MRTFA: variants seen among roughly 807,000 people sequenced by gnomAD.
MRTFA encodes the protein myocardin related transcription factor A.
A neutral mutation model predicts 83.5 loss-of-function variants in MRTFA; 20 were observed. The ratio of observed to expected loss-of-function variants is 0.24; its 90% confidence interval spans 0.17 to 0.35. The LOEUF is 0.35. MRTFA is among the 10% of genes least tolerant of loss of function. MRTFA has a pLI of 1.00. For missense variants in MRTFA, 1,200 were observed against 1,224.7 expected, an observed-to-expected ratio of 0.98 and a Z score of 0.30; for synonymous variants, 659 against 541.2, an observed-to-expected ratio of 1.22 and a Z score of -3.02.
At position 40,636,486 on chromosome 22, in the gene MRTFA, G is replaced by A. The variant is rs1307109862; in HGVS notation, c.-92C>T. 6.6e-6 allele frequency: 1 copy of A among 152,366 alleles called. No individual in the cohort carries two copies. Among genetic ancestry groups the A allele is most frequent in the East Asian group, 1.9e-4 (1 of 5,178 alleles). 9.4% of individuals were successfully genotyped at this position (152,366 alleles called of 1,614,324 possible). A position where few individuals can be genotyped will look rare whatever the true frequency, so the allele number is the denominator to read the frequency against. ...CCCGGACTCTCACTCACCGCCTCGC[G>A]CGGCTCCCGGCCGGGTTCCGCGGCT... On this transcript the variant is annotated 5_prime_UTR_variant, in exon 1 of 15. Coordinates refer to ENST00000355630, the MANE Select transcript of MRTFA (RefSeq NM_020831.6).
chr22:40,508,427 G>T (rs1404023728), intron 3 of MRTFA, among the ~76,000 whole-genome samples: 2 of 135,344 alleles, frequency 1.5e-5, no homozygotes, highest in African/African-American at 5.4e-5. Flanking sequence ...CAGGAGAATT[G>T]TTTGAACTCG....
chr22:40,438,628 A>AGGCC (rs1337389915), intron 4 of MRTFA, among the ~76,000 whole-genome samples: 8 of 152,210 alleles, frequency 5.3e-5, no homozygotes, highest in Non-Finnish European at 1.2e-4. Flanking sequence ...CAGTTATTCT[A>AGGCC]GGCCAACCAA....
intron 3 of MRTFA, among the ~76,000 whole-genome samples, chr22:40,516,659 TAGA>T (rs2054765848): frequency 6.6e-6 from 1 of 152,072 alleles, no homozygotes; most frequent in Admixed American, 6.6e-5. Context: ...CAAGACACGC[TAGA>T]AGTTTTCCTT....
intron 3 of MRTFA, among the ~76,000 whole-genome samples, chr22:40,533,218 T>G (rs1569315571): frequency 6.6e-6 from 1 of 152,144 alleles, no homozygotes; most frequent in Non-Finnish European, 1.5e-5. Flanking sequence ...CATAAAAACA[T>G]AGAGTCTAGA....
At chr22:40,530,476 T>C (rs2055058570) in intron 3 of MRTFA, among the ~76,000 whole-genome samples, 1 of 152,190 alleles carries the variant, frequency 6.6e-6, no homozygotes, top group Admixed American at 6.5e-5. Context: ...TCTGTATTTT[T>C]AGTAGAGATG....
chr22:40,481,635 G>A (rs916836888), intron 3 of MRTFA, among the ~76,000 whole-genome samples: 1 of 152,132 alleles, frequency 6.6e-6, no homozygotes, highest in African/African-American at 2.4e-5. Flanking sequence ...AGAGACCGAT[G>A]ACTCTTGGAC....
At chr22:40,570,986 T>C (rs1403138243) in intron 2 of MRTFA, among the ~76,000 whole-genome samples, 2 of 132,198 alleles carry the variant, frequency 1.5e-5, no homozygotes, top group East Asian at 2.3e-4. Context: ...GCCCAGGAGT[T>C]TGAAACCAGC....
At chr22:40,433,348 T>C (rs1488525406) in intron 5 of MRTFA, 1 of 152,162 alleles carries the variant, frequency 6.6e-6, no homozygotes, top group African/African-American at 2.4e-5. Context: ...ACAAAATCAG[T>C]TTGACAAGGT....
intron 1 of MRTFA, among the ~76,000 whole-genome samples, chr22:40,609,329 C>A (rs1602491412): frequency 6.7e-6 from 1 of 149,574 alleles, no homozygotes; most frequent in African/African-American, 2.5e-5. Flanking sequence ...CCAGAAAGTA[C>A]ATTTAGTCAG....
At chr22:40,484,388 A>G (rs1170398948) in intron 3 of MRTFA, among the ~76,000 whole-genome samples, 1 of 152,206 alleles carries the variant, frequency 6.6e-6, no homozygotes, top group Non-Finnish European at 1.5e-5. Context: ...AAAATTCTCA[A>G]GATCAAACAC....
At chr22:40,519,326 C>T in intron 3 of MRTFA, 1 of 897,844 alleles carries the variant, frequency 1.1e-6, no homozygotes, top group Non-Finnish European at 1.6e-6. Flanking sequence ...AGAGATGGTC[C>T]TTCTCACTTA....
intron 2 of MRTFA, among the ~76,000 whole-genome samples, chr22:40,556,041 A>C (rs1009378849): frequency 9.9e-5 from 15 of 152,192 alleles, no homozygotes; most frequent in Non-Finnish European, 1.9e-4. Context: ...ATATATTAAA[A>C]TATTATACAA....
At chr22:40,489,328 T>A (rs776179556) in intron 3 of MRTFA, among the ~76,000 whole-genome samples, 1 of 152,034 alleles carries the variant, frequency 6.6e-6, no homozygotes, top group Non-Finnish European at 1.5e-5. Flanking sequence ...AATGTGTATC[T>A]GTAGAAGACA....
intron 3 of MRTFA, among the ~76,000 whole-genome samples, chr22:40,490,235 T>C (rs1200045925): frequency 1.3e-5 from 2 of 152,166 alleles, no homozygotes; most frequent in Non-Finnish European, 2.9e-5. Context: ...GTTGCCATGG[T>C]GTTTCTTTGA....
At chr22:40,590,022 G>GAAAAAAA (rs1189334273) in intron 2 of MRTFA, among the ~76,000 whole-genome samples, 1 of 94,234 alleles carries the variant, frequency 1.1e-5, no homozygotes, top group African/African-American at 3.8e-5. Context: ...ACTCCGTCTC[G>GAAAAAAA]AAAAAAAAAA....
intron 3 of MRTFA, among the ~76,000 whole-genome samples, chr22:40,509,313 A>AT (rs2054630230): frequency 6.6e-6 from 1 of 152,220 alleles, no homozygotes; most frequent in South Asian, 2.1e-4. Flanking sequence ...TACTGGGCAA[A>AT]TATCTTGTTT....
chr22:40,464,767 C>T (rs2053785272), intron 3 of MRTFA, among the ~76,000 whole-genome samples: 1 of 152,150 alleles, frequency 6.6e-6, no homozygotes, highest in African/African-American at 2.4e-5. Context: ...TCAGTAGATC[C>T]AAAGCCAAAC....
rs140343103 is a variant in MRTFA at position 40,486,573 on chromosome 22, T to C, written c.242-23287A>G. ...CAAATCTGGCAGGAAAATATGCTCA[T>C]GCATATTTCCATACTAAGACATTTT... On this transcript the variant is annotated intron_variant, in intron 3 of 14. Coordinates refer to ENST00000355630, the MANE Select transcript of MRTFA (RefSeq NM_020831.6). Among the ~76,000 whole-genome samples, 742 of 152,364 alleles carry C rather than the reference T, an allele frequency of 4.9e-3. 4 individuals carry two copies. The highest frequency in any genetic ancestry group is 7.8e-3 in the Non-Finnish European group (528 of 68,036).
chr22:40,447,486 C>G (rs1043588264), intron 4 of MRTFA, among the ~76,000 whole-genome samples: 3 of 152,038 alleles, frequency 2.0e-5, no homozygotes, highest in Non-Finnish European at 4.4e-5. Context: ...TGGGATCCTG[C>G]CTGCATGGCA....
Sources: allele counts gnomAD v4.1 joint callset (sites outside exome capture counted in the v4.1 genomes callset), GRCh38; gene constraint gnomAD v4.1.1; transcripts MANE v1.5; gene names NCBI Gene and HGNC (gene_info 2026-07-23, HGNC 2026-07-21).